TRUB1: variants seen among roughly 807,000 people sequenced by gnomAD.
The protein encoded by TRUB1 is pseudouridylate synthase TRUB1.
Under a neutral mutation model 33.9 loss-of-function variants are expected in TRUB1, and 23 were observed. The observed-to-expected ratio is 0.68, with a 90% CI of 0.49 to 0.96. The LOEUF is 0.96. Ranked by LOEUF, TRUB1 falls within the 40% of genes least tolerant of loss-of-function variation. TRUB1 has a pLI of 0.00. For synonymous variants in TRUB1, 163 were observed against 165.4 expected, an observed-to-expected ratio of 0.99 and a Z score of 0.11; for missense variants, 378 against 422.2, an observed-to-expected ratio of 0.90 and a Z score of 0.92.
chr10:114,956,598 G>A (rs1356469277), intron 3 of TRUB1, among the ~76,000 whole-genome samples: 1 of 152,066 alleles, frequency 6.6e-6, no homozygotes, highest in Non-Finnish European at 1.5e-5. Context: ...TTCAATCATC[G>A]GTTCGCAGGG....
At chr10:114,955,686 A>G (rs762926738) in intron 3 of TRUB1, among the ~76,000 whole-genome samples, 2 of 152,210 alleles carry the variant, frequency 1.3e-5, no homozygotes, top group African/African-American at 4.8e-5. Context: ...TGAGAACTCT[A>G]AAGTGTGGCT....
In TRUB1 at chr10:114,951,266, A is replaced by G. The variant is rs2084234268; in HGVS notation, c.441+117A>G. The G allele has an allele frequency of 4.4e-6, 3 of 689,236 alleles. No homozygotes were observed. The East Asian group carries it at 8.2e-5, about 19-fold the overall frequency. The allele number at this position is 689,236 out of a possible 1,614,324, so 42.7% of individuals were successfully genotyped here. ...ACTGCATGAATGGGTATCATTCCTG[A>G]GTATTAATTATGTCTATAAACATAT... On this transcript the variant is annotated intron_variant, in intron 3 of 7. Coordinates refer to ENST00000298746, the MANE Select transcript of TRUB1 (RefSeq NM_139169.5).
intron 3 of TRUB1, among the ~76,000 whole-genome samples, chr10:114,957,507 A>G (rs1564699594): frequency 6.6e-6 from 1 of 152,210 alleles, no homozygotes; most frequent in Non-Finnish European, 1.5e-5. Flanking sequence ...GATTTGATAT[A>G]TGCCTTCCTT....
At chr10:114,952,498 T>C (rs1283582170) in intron 3 of TRUB1, among the ~76,000 whole-genome samples, 1 of 152,000 alleles carries the variant, frequency 6.6e-6, no homozygotes, top group Non-Finnish European at 1.5e-5. Context: ...GATAGGTAGG[T>C]AGGTAGGTAG....
At chr10:114,959,133 TCAAACAAA>T (rs541284032) in intron 3 of TRUB1, among the ~76,000 whole-genome samples, 11 of 152,138 alleles carry the variant, frequency 7.2e-5, no homozygotes, top group African/African-American at 2.7e-4. Flanking sequence ...AAACTCCATC[TCAAACAAA>T]CAAACAAACA....
At chr10:114,950,100 G>T (rs2084227761) in intron 2 of TRUB1, among the ~76,000 whole-genome samples, 1 of 151,972 alleles carries the variant, frequency 6.6e-6, no homozygotes, top group Non-Finnish European at 1.5e-5. Context: ...GTTTCTCCAT[G>T]TTGGTCAGGT....
intron 4 of TRUB1, chr10:114,969,387 C>T (rs1339989214): frequency 2.0e-5 from 3 of 148,834 alleles, no homozygotes; most frequent in African/African-American, 7.4e-5. Flanking sequence ...GAGCCAAGAT[C>T]ACACCACTGC....
chr10:114,960,172 A>G (rs1376938212), intron 4 of TRUB1, among the ~76,000 whole-genome samples: 1 of 152,100 alleles, frequency 6.6e-6, no homozygotes, highest in Admixed American at 6.5e-5. Flanking sequence ...AAAAAAATAT[A>G]TTACCTGTCA....
chr10:114,956,344 G>A (rs1310555075), intron 3 of TRUB1, among the ~76,000 whole-genome samples: 3 of 152,148 alleles, frequency 2.0e-5, no homozygotes, highest in African/African-American at 2.4e-5. Flanking sequence ...CAGACTCTAC[G>A]TAGAATTTAA....
chr10:114,951,073 ATTTC>A lies in TRUB1; in HGVS notation c.386-13_386-10del, dbSNP rs1564698424. ...AGTTTTCAGAACAGAGTGTCATAATATTTCTTTCTTTGATTTGTAGTTGTTGGAA... is the reference window on the plus strand; with the variant it reads ...AGTTTTCAGAACAGAGTGTCATAATATTTCTTTGATTTGTAGTTGTTGGAA... On this transcript the variant is annotated splice_polypyrimidine_tract_variant and intron_variant, in intron 2 of 7. Transcript: ENST00000298746. 1 of 1,607,174 alleles carries A rather than the reference ATTTC, an allele frequency of 6.2e-7. No homozygotes were observed. The highest frequency in any genetic ancestry group is 8.5e-7 in the Non-Finnish European group (1 of 1,174,778).
intron 4 of TRUB1, among the ~76,000 whole-genome samples, chr10:114,966,561 T>C (rs969069793): frequency 6.6e-6 from 1 of 152,226 alleles, no homozygotes; most frequent in African/African-American, 2.4e-5. Flanking sequence ...TTTGAAGCTA[T>C]AGATCAATTT....
At chr10:114,974,673 A>G (rs1340025394) in intron 7 of TRUB1, among the ~76,000 whole-genome samples, 1 of 152,038 alleles carries the variant, frequency 6.6e-6, no homozygotes, top group African/African-American at 2.4e-5. Flanking sequence ...TTTTAACTCA[A>G]ACTAGGGATC....
intron 4 of TRUB1, among the ~76,000 whole-genome samples, chr10:114,961,692 G>A (rs779313356): frequency 1.3e-5 from 2 of 152,078 alleles, no homozygotes; most frequent in South Asian, 2.1e-4. Flanking sequence ...TTATAGTCCC[G>A]GAAAATGAGA....
chr10:114,940,348 C>T (rs569188407), intron 1 of TRUB1, among the ~76,000 whole-genome samples: 16 of 152,108 alleles, frequency 1.1e-4, no homozygotes, highest in African/African-American at 2.9e-4. Context: ...CTCGAACTCC[C>T]GACCTCAGGT....
intron 3 of TRUB1, among the ~76,000 whole-genome samples, chr10:114,952,705 A>G (rs1325673295): frequency 1.3e-5 from 2 of 152,242 alleles, no homozygotes; most frequent in Non-Finnish European, 2.9e-5. Context: ...AATCTTCAAA[A>G]TATTGGTGTT....
intron 3 of TRUB1, among the ~76,000 whole-genome samples, chr10:114,959,386 A>G (rs1388934075): frequency 6.6e-6 from 1 of 152,132 alleles, no homozygotes; most frequent in African/African-American, 2.4e-5. Flanking sequence ...CTCTCTACTC[A>G]TGGATAGACT....
At chr10:114,970,545 A>G (rs755966675) in intron 5 of TRUB1, 105 bp downstream of exon 5, 15 of 872,790 alleles carry the variant, frequency 1.7e-5, no homozygotes, top group Non-Finnish European at 2.6e-5. Flanking sequence ...ATGGCAAGGC[A>G]GGTTTTAAAT....
chr10:114,948,641 C>G (rs527292999), intron 2 of TRUB1, among the ~76,000 whole-genome samples: 1 of 152,308 alleles, frequency 6.6e-6, no homozygotes, highest in African/African-American at 2.4e-5. Flanking sequence ...TAAAATTCTG[C>G]TTTCACTAAT....
At chr10:114,974,265 A>T in intron 6 of TRUB1, 64 bp from the exon 7 acceptor site, 1 of 1,234,492 alleles carries the variant, frequency 8.1e-7, no homozygotes, top group South Asian at 1.2e-5. Flanking sequence ...TAGGGACATC[A>T]TTTCTATGTA....
Sources: allele counts gnomAD v4.1 joint callset (sites outside exome capture counted in the v4.1 genomes callset), GRCh38; gene constraint gnomAD v4.1.1; transcripts MANE v1.5; gene names NCBI Gene and HGNC (gene_info 2026-07-23, HGNC 2026-07-21).